PDGFRB: variants seen among roughly 807,000 people sequenced by gnomAD.
PDGFRB encodes the protein platelet derived growth factor receptor beta.
Under a neutral mutation model 120.2 loss-of-function variants are expected in PDGFRB, and 42 were observed. That is an observed-to-expected ratio of 0.35 (90% CI 0.27 to 0.45). The LOEUF (loss-of-function observed/expected upper bound fraction) is 0.45. Among genes scored for constraint, PDGFRB ranks in the 20% least tolerant of loss-of-function variants. The pLI, the probability that PDGFRB is intolerant of heterozygous loss-of-function variation, is 1.00. For missense variants in PDGFRB, 1,149 were observed against 1,476.3 expected (o/e 0.78, Z 3.63); for synonymous variants, 586 against 606.8 (o/e 0.97, Z 0.50).
At chr5:150,147,355 G>A (rs758456758) in intron 1 of PDGFRB, among the ~76,000 whole-genome samples, 2 of 152,238 alleles carry the variant, frequency 1.3e-5, no homozygotes, top group African/African-American at 4.8e-5. Flanking sequence ...GGGGTCCCAG[G>A]CTGAGACTGA....
intron 20 of PDGFRB, 81 bp downstream of exon 20, chr5:150,119,386 C>A: frequency 1.2e-6 from 1 of 812,438 alleles, no homozygotes; most frequent in Non-Finnish European, 2.2e-6. Context: ...ACAAATCTCT[C>A]ATCTTTGGTT....
Position 150,119,546 on chromosome 5 carries a change from G to A in PDGFRB, c.2719C>T (p.Leu907=), listed in dbSNP as rs1185316936. Residue 907 remains leucine, a synonymous_variant, in exon 20 of 23, where the codon CTG becomes TTG. Transcript: ENST00000261799. ...TTGTAGAACTGCTCGTTCATGGGCA[G>A]CTCTGGGTAAGGGGTGCCACCTGTT... ...FTLGGTPYPE[L]PMNEQFYNAI... The A allele has an allele frequency of 2.5e-6, 4 of 1,610,896 alleles. No homozygotes were observed. Among genetic ancestry groups the A allele is most frequent in the Non-Finnish European group, 3.4e-6 (4 of 1,177,018 alleles).
At chr5:150,117,541 C>CT (rs1235347019) in intron 22 of PDGFRB, 77 bp downstream of exon 22, 1 of 493,824 alleles carries the variant, frequency 2.0e-6, no homozygotes, top group South Asian at 2.6e-5. Context: ...CGCGCGCGCG[C>CT]GCGCACACAC....
In PDGFRB at chr5:150,115,844, C is replaced by A. The variant is rs750983870; in HGVS notation, c.3240G>T (p.Val1080=). The A allele has an allele frequency of 6.2e-7, 1 of 1,612,606 alleles. No individual in the cohort carries two copies. Among genetic ancestry groups the A allele is most frequent in the African/African-American group, 1.3e-5 (1 of 75,020 alleles). Residue 1080 remains valine (V), a synonymous_variant, in exon 23 of 23, where the codon GTG becomes GTT. Transcript: ENST00000261799. ...PEPEPQLELQ[V]EPEPELEQLP... is the part of the protein sequence containing the mutation. ...ACTGTTCCAGCTCTGGCTCCGGCTC[C>A]ACCTGGAGCTCAAGCTGGGGCTCTG...
intron 1 of PDGFRB, among the ~76,000 whole-genome samples, chr5:150,143,290 G>A (rs1014828946): frequency 1.3e-5 from 2 of 152,234 alleles, no homozygotes; most frequent in Non-Finnish European, 2.9e-5. Context: ...TGCAGCTAAG[G>A]GTGACTACTG....
rs778982886 is a variant in PDGFRB, at chr5:150,135,791, A to G, written c.128T>C (p.Val43Ala). The stretch of plus-strand genomic sequence containing the variant: ...AACGAAGGTGCTGGAGACATTGAGG[A>G]CAAGCTCTGGCCCCGGGGGTGTGAC... ...LVVTPPGPELVLNVSSTFVLT... is the reference protein window; with the variant it reads ...LVVTPPGPELALNVSSTFVLT... Residue 43 changes from valine (V) to alanine (A), a missense_variant, in exon 3 of 23, where the codon GTC becomes GCC. Val to Ala is a moderately conservative substitution (Grantham distance 64). Around this residue, in one of 3 missense-constraint regions of PDGFRB, gnomAD observed 879 missense variants for 1,108.6 expected, o/e 0.79. Coordinates refer to ENST00000261799, the MANE Select transcript of PDGFRB (RefSeq NM_002609.4). The G allele has an allele frequency of 4.1e-5, 66 of 1,606,412 alleles. No individual in the cohort carries two copies. In the South Asian group the frequency reaches 7.1e-4, roughly 17 times the overall value.
chr5:150,129,548 C>T lies in PDGFRB; in HGVS notation c.1579+209G>A, dbSNP rs1864971. On this transcript the variant is annotated intron_variant, in intron 10 of 22. Transcript: ENST00000261799. ...GAAGGATATTCATATCCATGGCTTA[C>T]AGACTTGTGTTTGTACACGTGTGTA... Among the ~76,000 whole-genome samples, 108,199 of 152,204 alleles carry T rather than the reference C, an allele frequency of 0.71. 39,132 individuals are homozygous for T. The highest frequency in any genetic ancestry group is 0.86 in the East Asian group (4,441 of 5,186).
rs781347476 is a variant in PDGFRB, at chr5:150,133,656, G to C, written c.864C>G (p.Thr288=). 7 of 1,614,040 alleles carry C rather than the reference G, an allele frequency of 4.3e-6. No individual in the cohort carries two copies. The South Asian group carries it at 7.7e-5, about 18-fold the overall frequency. Residue 288 remains threonine, a synonymous_variant, in exon 6 of 23, where the codon ACC becomes ACG. Coordinates refer to ENST00000261799, the MANE Select transcript of PDGFRB (RefSeq NM_002609.4). ...IPSAELEDSG[T]YTCNVTESVN... is the part of the protein sequence containing the mutation. Reference sequence around the variant, plus strand: ...CACTCTCCGTCACATTGCAGGTGTAGGTCCCCGAGTCTTCTAACTCGGCAC... The same window carrying C: ...CACTCTCCGTCACATTGCAGGTGTACGTCCCCGAGTCTTCTAACTCGGCAC...
intron 8 of PDGFRB, 88 bp downstream of exon 8, chr5:150,131,891 C>T (rs2113905594): frequency 1.4e-6 from 1 of 691,284 alleles, no homozygotes; most frequent in South Asian, 1.8e-5. Context: ...CCACTCCTCC[C>T]ATGGGTGGGT....
At chr5:150,125,060 T>A (rs1760257689) in intron 12 of PDGFRB, among the ~76,000 whole-genome samples, 1 of 152,140 alleles carries the variant, frequency 6.6e-6, no homozygotes, top group African/African-American at 2.4e-5. Context: ...TCTTTCCTGG[T>A]ATCTCATCTA....
chr5:150,119,400 G>T, intron 20 of PDGFRB, 67 bp downstream of exon 20: 1 of 898,390 alleles, frequency 1.1e-6, no homozygotes, highest in Non-Finnish European at 1.9e-6. Context: ...TTTGGTTTAA[G>T]CCAGTAGAGT....
Position 150,124,834 on chromosome 5 carries a change from G to A in PDGFRB, c.1808-3C>T. 2 of 1,548,358 alleles carry A rather than the reference G, an allele frequency of 1.3e-6. No individual in the cohort carries two copies. The highest frequency in any genetic ancestry group is 1.8e-6 in the Non-Finnish European group (2 of 1,129,422). ...GGCCCCAGAGCCGAGGGTGCGTCCT[G>A]GTGCAGAGATGATCCATTAGCTCCT... On this transcript the variant is annotated splice_polypyrimidine_tract_variant and splice_region_variant and intron_variant, in intron 12 of 22. Coordinates refer to ENST00000261799, the MANE Select transcript of PDGFRB (RefSeq NM_002609.4).
At chr5:150,146,102 A>T (rs999646895) in intron 1 of PDGFRB, among the ~76,000 whole-genome samples, 1 of 152,078 alleles carries the variant, frequency 6.6e-6, no homozygotes, top group African/African-American at 2.4e-5. Context: ...CTCCCATGAC[A>T]GGGCTCTCAC....
chr5:150,144,644 G>A (rs956425044), intron 1 of PDGFRB, among the ~76,000 whole-genome samples: 8 of 152,234 alleles, frequency 5.3e-5, no homozygotes, highest in Non-Finnish European at 8.8e-5. Flanking sequence ...GCAGCGATGC[G>A]GCTGGCTACT....
chr5:150,126,575 G>A lies in PDGFRB; in HGVS notation c.1619C>T (p.Ala540Val). Residue 540 changes from alanine to valine, a missense_variant, in exon 11 of 23, where the codon GCC (alanine) becomes GTC (valine). By Grantham distance (64) the Ala-to-Val change is moderately conservative. This residue lies in a region of PDGFRB where 879 missense variants were observed against 1,108.6 expected (regional missense o/e 0.79). Transcript: ENST00000261799. ...FKVVVISAIL[A>V]LVVLTIISLI... is the part of the protein sequence containing the mutation. The stretch of plus-strand genomic sequence containing the variant: ...GGAGATGATGGTGAGCACCACCAGG[G>A]CCAGGATGGCTGAGATCACCACCAC... 1 of 1,610,810 alleles carries A rather than the reference G, an allele frequency of 6.2e-7. No homozygotes were observed. The highest frequency in any genetic ancestry group is 8.5e-7 in the Non-Finnish European group (1 of 1,177,062).
rs1407246321 is a variant in PDGFRB, at chr5:150,155,730, C to T, written c.-340G>A. On this transcript the variant is annotated 5_prime_UTR_variant, in exon 1 of 23. Transcript: ENST00000261799. Reference sequence around the variant, plus strand: ...AGGGCGAGCACAGGCTGCTGCTGGGCAGCAGGGCTGAGGGGCCGGCTCTCT... The same window carrying T: ...AGGGCGAGCACAGGCTGCTGCTGGGTAGCAGGGCTGAGGGGCCGGCTCTCT... The T allele has an allele frequency of 7.5e-6, 3 of 398,554 alleles. No individual in the cohort carries two copies. The highest frequency in any genetic ancestry group is 1.3e-5 in the Non-Finnish European group (3 of 226,142). The allele number at this position is 398,554 out of a possible 1,614,324, so 24.7% of individuals were successfully genotyped here. A position where few individuals can be genotyped will look rare whatever the true frequency, so the allele number is the denominator to read the frequency against.
chr5:150,121,258 G>A lies in PDGFRB; in HGVS notation c.2409C>T (p.Leu803=), dbSNP rs548608199. 19 of 1,608,050 alleles carry A rather than the reference G, an allele frequency of 1.2e-5. No individual in the cohort carries two copies. In the South Asian group the frequency reaches 2.1e-4, roughly 18 times the overall value. The part of the protein sequence containing the change: ...NESPVLSYMD[L]VGFSYQVANG... The stretch of plus-strand genomic sequence containing the variant: ...TGGCCACCTGGTAGCTGAAGCCCAC[G>A]AGGTCCATGTAGCTTAGCACTGGAG... The change falls in exon 17 of 23, where the codon CTC becomes CTT. Residue 803 remains leucine (L), a synonymous_variant. Transcript: ENST00000261799. This position sits in a 1 kb window ranked among gnomAD's most constrained non-coding sequence, Gnocchi z 4.1.
chr5:150,132,075 G>A lies in PDGFRB; in HGVS notation c.1147C>T (p.Leu383=). The change falls in exon 8 of 23, where the codon CTG becomes TTG. Residue 383 remains leucine (L), a synonymous_variant. Coordinates refer to ENST00000261799, the MANE Select transcript of PDGFRB (RefSeq NM_002609.4). This position sits in a 1 kb window ranked among gnomAD's most constrained non-coding sequence, Gnocchi z 5.0. The part of the protein sequence containing the change: ...SETRYVSELT[L]VRVKVAEAGH... ...GCCTCTGCCACCTTCACGCGAACCA[G>A]TGTCAGCTCTGACACATACCTGGGG... The A allele has an allele frequency of 6.2e-7, 1 of 1,604,782 alleles. No homozygotes were observed. The highest frequency in any genetic ancestry group is 8.5e-7 in the Non-Finnish European group (1 of 1,171,492).
chr5:150,122,991 G>T, intron 15 of PDGFRB, 51 bp downstream of exon 15: 1 of 1,467,240 alleles, frequency 6.8e-7, no homozygotes, highest in Non-Finnish European at 9.5e-7. Flanking sequence ...GGGAAGGAGC[G>T]GTGCTCCTCA....
Sources: gnomAD v4.1 joint callset for allele counts (sites outside exome capture counted in the v4.1 genomes callset) on GRCh38, gnomAD v4.1.1 for gene constraint, gnomAD v4.1.1 regional missense constraint, Gnocchi (gnomAD v3.1) non-coding constraint, MANE v1.5 for transcripts, NCBI Gene and HGNC (gene_info 2026-07-23, HGNC 2026-07-21) for gene names.